Variants in C2CD2 observed in about 807,000 individuals in gnomAD.
The protein encoded by C2CD2 is C2 calcium dependent domain containing 2, also known as C2 domain-containing protein 2.
In C2CD2, 43 loss-of-function variants were observed where a neutral mutation model predicts 74.3. The ratio of observed to expected loss-of-function variants is 0.58; its 90% confidence interval spans 0.45 to 0.75. C2CD2 has a LOEUF of 0.75. Among genes scored for constraint, C2CD2 ranks in the 30% least tolerant of loss-of-function variants. The pLI is 0.00. For synonymous variants in C2CD2, 422 were observed against 390.7 expected (o/e 1.08, Z -0.94); for missense variants, 801 against 916.3 (o/e 0.87, Z 1.63).
rs2064677568 is a variant in C2CD2 at position 41,885,845 on chromosome 21, T to A, written c.*3279A>T. ...ATCTAAACGGGCACCAGGTGGCCAC[T>A]GAGTGGCGACTGGTCGAGTAGCAGT... On this transcript the variant is annotated 3_prime_UTR_variant, in exon 14 of 14. Coordinates refer to ENST00000380486, the MANE Select transcript of C2CD2 (RefSeq NM_015500.2). 6.6e-6 allele frequency: 1 copy of A among 152,382 alleles called. No homozygotes were observed. Among genetic ancestry groups the A allele is most frequent in the Non-Finnish European group, 1.5e-5 (1 of 68,056 alleles). 9.4% of individuals were successfully genotyped at this position (152,382 alleles called of 1,614,324 possible). A position where few individuals can be genotyped will look rare whatever the true frequency, so the allele number is the denominator to read the frequency against.
Position 41,886,658 on chromosome 21 carries a change from C to G in C2CD2, c.*2466G>C, listed in dbSNP as rs144302909. Reference sequence around the variant, plus strand: ...TCATCTGGAAATGGAATAGTTAAAACCTTTTTTTTTTTTTGAGAGCAAGAA... The same window carrying G: ...TCATCTGGAAATGGAATAGTTAAAAGCTTTTTTTTTTTTTGAGAGCAAGAA... On this transcript the variant is annotated 3_prime_UTR_variant, in exon 14 of 14. Transcript: ENST00000380486. 9 of 43,686 alleles carry G rather than the reference C, an allele frequency of 2.1e-4. No homozygotes were observed. The East Asian group carries it at 3.9e-3, about 19-fold the overall frequency. The allele number at this position is 43,686 out of a possible 1,614,324, so 2.7% of individuals were successfully genotyped here. A position where few individuals can be genotyped will look rare whatever the true frequency, so the allele number is the denominator to read the frequency against.
chr21:41,893,087 C>T (rs1024256651), intron 13 of C2CD2, among the ~76,000 whole-genome samples: 10 of 152,162 alleles, frequency 6.6e-5, no homozygotes, highest in Non-Finnish European at 8.8e-5. Flanking sequence ...TTTGGAGAAT[C>T]CCTTGAGCCC....
intron 1 of C2CD2, among the ~76,000 whole-genome samples, chr21:41,950,820 T>C (rs1001702231): frequency 3.9e-5 from 6 of 152,232 alleles, no homozygotes; most frequent in Non-Finnish European, 8.8e-5. Flanking sequence ...ATTGTCTCAA[T>C]TGGACAGAAA....
chr21:41,918,992 C>T (rs373277960), intron 3 of C2CD2, 32 bp from the exon 4 acceptor site: 1 of 1,511,268 alleles, frequency 6.6e-7, no homozygotes, highest in African/African-American at 1.4e-5. Flanking sequence ...GAGGGCCACT[C>T]TTTCCACCAA....
At chr21:41,928,544 C>CAAAAA (rs59346777) in intron 2 of C2CD2, among the ~76,000 whole-genome samples, 1,426 of 72,222 alleles carry the variant, frequency 0.02, 1 homozygote, top group Non-Finnish European at 0.022. Context: ...TAAAGCAAAG[C>CAAAAA]AAAAAAAAAA....
rs1239837729 is a variant in C2CD2, at chr21:41,886,424, A to C, written c.*2700T>G. The C allele has an allele frequency of 1.3e-5, 2 of 152,246 alleles. No individual in the cohort carries two copies. The highest frequency in any genetic ancestry group is 2.9e-5 in the Non-Finnish European group (2 of 68,036). The allele number at this position is 152,246 out of a possible 1,614,324, so 9.4% of individuals were successfully genotyped here. The stretch of plus-strand genomic sequence containing the variant: ...CTGTATAAAACAGCTTGGAAAACAA[A>C]CATTCACAGTATCAATACAGCCCAT... On this transcript the variant is annotated 3_prime_UTR_variant, in exon 14 of 14. Coordinates refer to ENST00000380486, the MANE Select transcript of C2CD2 (RefSeq NM_015500.2).
rs540429465 is a variant in C2CD2, at chr21:41,935,047, A to G, written c.378+7100T>C. The stretch of plus-strand genomic sequence containing the variant: ...GCTGGGATTACAGGCGTGCACCACC[A>G]TGCTCGGCTAATTTTTGTATTTTTA... On this transcript the variant is annotated intron_variant, in intron 2 of 13. Transcript: ENST00000380486. Among the ~76,000 whole-genome samples, 57 of 152,146 alleles carry G rather than the reference A, an allele frequency of 3.7e-4. 1 individual carries two copies. Among genetic ancestry groups the G allele is most frequent in the Non-Finnish European group, 2.4e-4 (16 of 68,028 alleles).
chr21:41,947,186 T>G (rs965107633), intron 1 of C2CD2, among the ~76,000 whole-genome samples: 1 of 119,316 alleles, frequency 8.4e-6, no homozygotes, highest in African/African-American at 3.1e-5. Flanking sequence ...AGACGGAGTT[T>G]CACTCTTGTT....
rs1056423835 is a variant in C2CD2 at position 41,895,162 on chromosome 21, G to T, written c.1870+3891C>A. ...TAAGAGCAAACACTGGTTTTCCAGG[G>T]AGGAGGAAATTCTGCCTCAAGAATG... On this transcript the variant is annotated intron_variant, in intron 13 of 13. Transcript: ENST00000380486. The surrounding 1 kb of genome is among the most constrained non-coding windows in gnomAD (Gnocchi z 5.0). The T allele has an allele frequency of 2.9e-6, 1 of 350,128 alleles. No homozygotes were observed. The highest frequency in any genetic ancestry group is 3.8e-5 in the Admixed American group (1 of 26,086). The allele number at this position is 350,128 out of a possible 1,614,324, so 21.7% of individuals were successfully genotyped here.
At chr21:41,918,330 G>C in intron 4 of C2CD2, 103 bp from the exon 5 acceptor site, 11 of 1,208,810 alleles carry the variant, frequency 9.1e-6, no homozygotes, top group Non-Finnish European at 1.3e-5. Context: ...TAGGAAGGAA[G>C]GAAATTACCT....
rs1270812918 is a variant in C2CD2, at chr21:41,887,833, T to C, written c.*1291A>G. On this transcript the variant is annotated 3_prime_UTR_variant, in exon 14 of 14. Coordinates refer to ENST00000380486, the MANE Select transcript of C2CD2 (RefSeq NM_015500.2). ...TGTCTTTGGAGAAAAGTGAATCATATTAAACTGTCAAGAACACTTCACCCC... is the reference window on the plus strand; with the variant it reads ...TGTCTTTGGAGAAAAGTGAATCATACTAAACTGTCAAGAACACTTCACCCC... 1.3e-5 allele frequency: 2 copies of C among 152,208 alleles called. No homozygotes were observed. Among genetic ancestry groups the C allele is most frequent in the African/African-American group, 2.4e-5 (1 of 41,448 alleles). 9.4% of individuals were successfully genotyped at this position (152,208 alleles called of 1,614,324 possible). A position where few individuals can be genotyped will look rare whatever the true frequency, so the allele number is the denominator to read the frequency against.
chr21:41,905,117 A>G (rs2064944692), intron 11 of C2CD2, among the ~76,000 whole-genome samples: 1 of 152,180 alleles, frequency 6.6e-6, no homozygotes, highest in African/African-American at 2.4e-5. Flanking sequence ...TAATGTAGCT[A>G]GCGTGTTGTG....
chr21:41,899,127 A>T lies in C2CD2; in HGVS notation c.1796T>A (p.Leu599Gln), dbSNP rs200099729. 318 of 1,613,988 alleles carry T rather than the reference A, an allele frequency of 2.0e-4. 3 individuals are homozygous for T. The East Asian group carries it at 7.0e-3, about 36-fold the overall frequency. ...TGACAGCTCATCACCGTCGGGGTCC[A>T]GCAGGACCTGGCTGCTCCATGCCGC... ...QAAAWSSQVLLDPDGDELSES... is the reference protein window; with the variant it reads ...QAAAWSSQVLQDPDGDELSES... The change falls in exon 13 of 14, where the codon CTG becomes CAG. Residue 599 changes from leucine (L) to glutamine (Q), a missense_variant. Physicochemically the swap from Leu to Gln is moderately radical, Grantham distance 113. Transcript: ENST00000380486. The surrounding 1 kb of genome is among the most constrained non-coding windows in gnomAD (Gnocchi z 4.4).
rs371811606 is a variant in C2CD2, at chr21:41,899,075, C to T, written c.1848G>A (p.Pro616=). 55 of 1,613,578 alleles carry T rather than the reference C, an allele frequency of 3.4e-5. No individual in the cohort carries two copies. The highest frequency in any genetic ancestry group is 4.5e-5 in the East Asian group (2 of 44,882). ...LSESSMSVLE[P]GTAKKHKGGI... is the part of the protein sequence containing the mutation. ...TACCTTTATGCTTTTTGGCAGTGCC[C>T]GGCTCCAAGACACTCATGGAGCTCT... Residue 616 remains proline (P), a synonymous_variant, in exon 13 of 14, where the codon CCG becomes CCA. Coordinates refer to ENST00000380486, the MANE Select transcript of C2CD2 (RefSeq NM_015500.2). This position sits in a 1 kb window ranked among gnomAD's most constrained non-coding sequence, Gnocchi z 4.4.
At chr21:41,920,707 A>T (rs554461704) in intron 3 of C2CD2, among the ~76,000 whole-genome samples, 1 of 152,234 alleles carries the variant, frequency 6.6e-6, no homozygotes, top group Non-Finnish European at 1.5e-5. Context: ...GCTGAGAGGT[A>T]ATCCACATAT....
intron 1 of C2CD2, among the ~76,000 whole-genome samples, chr21:41,949,920 T>C (rs2065436249): frequency 6.6e-6 from 1 of 152,112 alleles, no homozygotes; most frequent in Non-Finnish European, 1.5e-5. Flanking sequence ...TTCTCACTCA[T>C]AGGTGGGAGT....
In C2CD2 at chr21:41,889,207, T is replaced by G. The variant is rs771512557; in HGVS notation, c.2008A>C (p.Thr670Pro). Reference sequence around the variant, plus strand: ...AGCAGCTTCTTGTTCAGGATCCTGGTGAGGGTGATGCCTTTCCTCCGGGAA... The same window carrying G: ...AGCAGCTTCTTGTTCAGGATCCTGGGGAGGGTGATGCCTTTCCTCCGGGAA... ...EGSRRKGITLTRILNKKLLSR... is the reference protein window; with the variant it reads ...EGSRRKGITLPRILNKKLLSR... The change falls in exon 14 of 14, where the codon ACC (threonine) becomes CCC (proline). Residue 670 changes from threonine (T) to proline (P), a missense_variant. Coordinates refer to ENST00000380486, the MANE Select transcript of C2CD2 (RefSeq NM_015500.2). 2 of 1,613,608 alleles carry G rather than the reference T, an allele frequency of 1.2e-6. No homozygotes were observed. The highest frequency in any genetic ancestry group is 1.7e-6 in the Non-Finnish European group (2 of 1,180,042).
chr21:41,951,602 C>A (rs1281611166), intron 1 of C2CD2, among the ~76,000 whole-genome samples: 1 of 152,140 alleles, frequency 6.6e-6, no homozygotes, highest in Admixed American at 6.5e-5. Flanking sequence ...TCCCTGAACG[C>A]AACCCCTCCC....
intron 1 of C2CD2, among the ~76,000 whole-genome samples, chr21:41,944,759 T>C (rs561704246): frequency 1.6e-4 from 24 of 151,980 alleles, no homozygotes; most frequent in East Asian, 7.7e-4. Flanking sequence ...CAGACCCCAC[T>C]CCACTTAGAC....
Sources: gnomAD v4.1 joint callset for allele counts (sites outside exome capture counted in the v4.1 genomes callset) on GRCh38, gnomAD v4.1.1 for gene constraint, Gnocchi (gnomAD v3.1) non-coding constraint, MANE v1.5 for transcripts, NCBI Gene and HGNC (gene_info 2026-07-23, HGNC 2026-07-21) for gene names.